The following VPS16 variants were observed in gnomAD, a reference collection of about 807,000 sequenced individuals.
VPS16 encodes the protein vacuolar protein sorting-associated protein 16 homolog.
VPS16 carries 82 observed loss-of-function variants against 116.0 expected under a neutral mutation model. The observed-to-expected ratio is 0.71, with a 90% CI of 0.59 to 0.85. The LOEUF is 0.85. VPS16 is among the 40% of genes least tolerant of loss of function. The pLI is 0.00. For synonymous variants in VPS16, 406 were observed against 420.7 expected, an observed-to-expected ratio of 0.96 and a Z score of 0.43; for missense variants, 928 against 1,090.6, an observed-to-expected ratio of 0.85 and a Z score of 2.10.
intron 1 of VPS16, among the ~76,000 whole-genome samples, chr20:2,842,844 CGATA>C (rs11473958): frequency 4.0e-4 from 8 of 20,220 alleles, no homozygotes; most frequent in Admixed American, 5.8e-4. Context: ...ATGTATCTAT[CGATA>C]GATAGATGTA....
chr20:2,849,215 A>G lies in VPS16; in HGVS notation c.53+8388A>G, dbSNP rs1031504802. Among the ~76,000 whole-genome samples the G allele has an allele frequency of 5.3e-5, 8 of 152,106 alleles. No homozygotes were observed. In the East Asian group the frequency reaches 1.5e-3, roughly 29 times the overall value. Reference sequence around the variant, plus strand: ...ACATGAGAAATGGTGTGTTGGGGGAATTCAGCTGTTGTAATTCAACAACTC... The same window carrying G: ...ACATGAGAAATGGTGTGTTGGGGGAGTTCAGCTGTTGTAATTCAACAACTC... On this transcript the variant is annotated intron_variant, in intron 1 of 23. Transcript: ENST00000380445.
chr20:2,841,954 C>T (rs1371727266), intron 1 of VPS16, among the ~76,000 whole-genome samples: 1 of 152,032 alleles, frequency 6.6e-6, no homozygotes, highest in Non-Finnish European at 1.5e-5. Flanking sequence ...GAGGTTTCAC[C>T]ATGGTGGCCA....
intron 1 of VPS16, among the ~76,000 whole-genome samples, chr20:2,844,045 A>G (rs1428745101): frequency 1.3e-5 from 2 of 152,214 alleles, no homozygotes; most frequent in Non-Finnish European, 2.9e-5. Context: ...AGGTTATACA[A>G]CTAGTGACCA....
Position 2,863,836 on chromosome 20 carries a change from A to AG in VPS16, c.1477-112dup. The AG allele has an allele frequency of 7.1e-7, 1 of 1,412,628 alleles. No homozygotes were observed. The highest frequency in any genetic ancestry group is 1.4e-5 in the South Asian group (1 of 72,972). The allele number at this position is 1,412,628 out of a possible 1,614,324, so 87.5% of individuals were successfully genotyped here. On this transcript the variant is annotated intron_variant, in intron 15 of 23. Transcript: ENST00000380445. The surrounding 1 kb of genome is among the most constrained non-coding windows in gnomAD (Gnocchi z 4.4). ...AAAGAAGAAAGAGAGAAAGAAAGAA[A>AG]GAAGAAGGAAGGGAGGGAGGAAGGG...
intron 1 of VPS16, among the ~76,000 whole-genome samples, chr20:2,858,824 T>C (rs191477896): frequency 6.6e-6 from 1 of 152,316 alleles, no homozygotes; most frequent in Non-Finnish European, 1.5e-5. Context: ...TTGCCTGCCA[T>C]AAGCCAAGCA....
rs778751388 is a variant in VPS16 at position 2,859,771 on chromosome 20, T to C, written c.106T>C (p.Cys36Arg). 1.1e-5 allele frequency: 18 copies of C among 1,613,212 alleles called. No homozygotes were observed. The highest frequency in any genetic ancestry group is 1.4e-5 in the Non-Finnish European group (17 of 1,179,700). The part of the protein sequence containing the change: ...DWDLKEELRD[C>R]LVAAAPYGGP... The stretch of plus-strand genomic sequence containing the variant: ...GGACCTGAAGGAGGAACTCAGGGAT[T>C]GCCTGGTGGCTGCTGCACCCTATGG... Residue 36 changes from cysteine (C) to arginine (R), a missense_variant, in exon 2 of 24, where the codon TGC becomes CGC. Cys to Arg is a radical substitution (Grantham distance 180, BLOSUM62 -3). Coordinates refer to ENST00000380445, the MANE Select transcript of VPS16 (RefSeq NM_022575.4).
intron 1 of VPS16, among the ~76,000 whole-genome samples, chr20:2,858,226 C>G (rs925088845): frequency 6.6e-6 from 1 of 152,088 alleles, no homozygotes; most frequent in Admixed American, 6.5e-5. Context: ...CCCCAAGTAG[C>G]TGGCATGCTA....
chr20:2,864,846 G>T lies in VPS16; in HGVS notation c.1927-132G>T. ...CTAGCCATCCCTCTAGGACATCAGA[G>T]TGGTGCACCTAGCAGGCAAGGCTGA... On this transcript the variant is annotated intron_variant, in intron 19 of 23. Transcript: ENST00000380445. This position sits in a 1 kb window ranked among gnomAD's most constrained non-coding sequence, Gnocchi z 5.2. The T allele has an allele frequency of 7.9e-7, 1 of 1,265,690 alleles. No homozygotes were observed. The highest frequency in any genetic ancestry group is 1.1e-6 in the Non-Finnish European group (1 of 886,942). 78.4% of individuals were successfully genotyped at this position (1,265,690 alleles called of 1,614,324 possible).
chr20:2,865,143 C>G lies in VPS16; in HGVS notation c.2005-5C>G. 6.2e-7 allele frequency: 1 copy of G among 1,614,142 alleles called. No individual in the cohort carries two copies. Among genetic ancestry groups the G allele is most frequent in the South Asian group, 1.1e-5 (1 of 91,084 alleles). On this transcript the variant is annotated splice_polypyrimidine_tract_variant and splice_region_variant and intron_variant, in intron 20 of 23. Coordinates refer to ENST00000380445, the MANE Select transcript of VPS16 (RefSeq NM_022575.4). The surrounding 1 kb of genome is among the most constrained non-coding windows in gnomAD (Gnocchi z 5.2). ...CCCATCATGCCTCATTATCCGGGTC[C>G]CCAGGCTACAGAGGATCAAATGCGG...
At chr20:2,846,985 A>T (rs2089066639) in intron 1 of VPS16, among the ~76,000 whole-genome samples, 1 of 152,022 alleles carries the variant, frequency 6.6e-6, no homozygotes. Flanking sequence ...GGCCTTCCTC[A>T]CTAAGTGTGT....
intron 1 of VPS16, among the ~76,000 whole-genome samples, chr20:2,847,373 C>G (rs2089070640): frequency 6.6e-6 from 1 of 152,148 alleles, no homozygotes; most frequent in African/African-American, 2.4e-5. Context: ...GACCTCTACT[C>G]AAGTGATTTT....
chr20:2,860,968 A>C lies in VPS16; in HGVS notation c.631-2A>C. On this transcript the variant is annotated splice_acceptor_variant, in intron 6 of 23. Coordinates refer to ENST00000380445, the MANE Select transcript of VPS16 (RefSeq NM_022575.4). LOFTEE classifies it high-confidence loss of function. This position sits in a 1 kb window ranked among gnomAD's most constrained non-coding sequence, Gnocchi z 6.1. ...CCCACCCCTACCCTGGCTCTGCCTC[A>C]GACGCCCCCTGGCCTGGCCCCAGGA... The C allele has an allele frequency of 1.2e-6, 2 of 1,614,150 alleles. No individual in the cohort carries two copies. The highest frequency in any genetic ancestry group is 1.7e-6 in the Non-Finnish European group (2 of 1,180,044).
Position 2,864,250 on chromosome 20 carries a change from A to C in VPS16, c.1683A>C (p.Ala561=). The change falls in exon 17 of 24, where the codon GCA becomes GCC. Residue 561 remains alanine, a synonymous_variant. Transcript: ENST00000380445. This position sits in a 1 kb window ranked among gnomAD's most constrained non-coding sequence, Gnocchi z 5.2. ...LLLKMKRSKL[A]LSKAIESGDT... ...TAAAGATGAAGAGGAGCAAACTGGC[A>C]CTAAGCAAGGCCATCGAGAGCGGGG... 1 of 1,614,242 alleles carries C rather than the reference A, an allele frequency of 6.2e-7. No individual in the cohort carries two copies. The highest frequency in any genetic ancestry group is 8.5e-7 in the Non-Finnish European group (1 of 1,180,042).
intron 1 of VPS16, among the ~76,000 whole-genome samples, chr20:2,847,173 C>G (rs1186346533): frequency 1.3e-5 from 2 of 152,226 alleles, no homozygotes; most frequent in South Asian, 4.1e-4. Context: ...TCTTCACTCC[C>G]TGACCTTTAC....
chr20:2,844,674 A>T (rs188377707), intron 1 of VPS16, among the ~76,000 whole-genome samples: 269 of 152,364 alleles, frequency 1.8e-3, no homozygotes, highest in Non-Finnish European at 1.1e-3. Context: ...TACAGACTCC[A>T]GGAGTCAAAG....
intron 10 of VPS16, 43 bp from the exon 11 acceptor site, chr20:2,862,011 G>GTT: frequency 6.2e-7 from 1 of 1,610,114 alleles, no homozygotes; most frequent in Middle Eastern, 1.7e-4. Flanking sequence ...AGGGCTGAGG[G>GTT]TTTCCCTGCC....
Position 2,842,748 on chromosome 20 carries a change from A to G in VPS16, c.53+1921A>G, listed in dbSNP as rs201656996. On this transcript the variant is annotated intron_variant, in intron 1 of 23. Transcript: ENST00000380445. The stretch of plus-strand genomic sequence containing the variant: ...GATGTATCTATCTATAGATACATAT[A>G]GATGTATCTATCTATAGATAGACAT... 8.9e-3 allele frequency among the ~76,000 whole-genome samples: 941 copies of G among 106,318 alleles called. 34 individuals are homozygous for G. The highest frequency in any genetic ancestry group is 0.01 in the Non-Finnish European group (534 of 50,892). The allele number at this position is 106,318 out of a possible 152,430, so 69.7% of individuals were successfully genotyped here. A position where few individuals can be genotyped will look rare whatever the true frequency, so the allele number is the denominator to read the frequency against.
intron 10 of VPS16, 22 bp downstream of exon 10, chr20:2,861,921 C>T (rs779613108): frequency 1.2e-6 from 2 of 1,611,490 alleles, no homozygotes; most frequent in African/African-American, 1.3e-5. Flanking sequence ...ACAAGGGCAC[C>T]ACATAACCCA....
At chr20:2,841,838 C>G (rs2088978710) in intron 1 of VPS16, among the ~76,000 whole-genome samples, 1 of 151,838 alleles carries the variant, frequency 6.6e-6, no homozygotes, top group Admixed American at 6.6e-5. Context: ...ACTGCAACCT[C>G]CGCCTCCCGG....
Sources: gnomAD v4.1 joint callset for allele counts (sites outside exome capture counted in the v4.1 genomes callset) on GRCh38, gnomAD v4.1.1 for gene constraint, Gnocchi (gnomAD v3.1) non-coding constraint, MANE v1.5 for transcripts, NCBI Gene and HGNC (gene_info 2026-07-23, HGNC 2026-07-21) for gene names.